The following LRMDA variants were observed in gnomAD, a reference collection of about 807,000 sequenced individuals.
The protein encoded by LRMDA is leucine-rich melanocyte differentiation-associated protein.
In LRMDA, 18 loss-of-function variants were observed where a neutral mutation model predicts 29.8. The ratio of observed to expected loss-of-function variants is 0.60; its 90% CI spans 0.42 to 0.90. The LOEUF (loss-of-function observed/expected upper bound fraction) is 0.90. Ranked by LOEUF, LRMDA falls within the 40% of genes least tolerant of loss-of-function variation. LRMDA has a pLI of 0.00. For synonymous variants in LRMDA, 125 were observed against 109.4 expected (o/e 1.14, Z -0.89); for missense variants, 273 against 273.9 (o/e 1.00, Z 0.02).
chr10:75,940,033 A>G (rs565168885), intron 2 of LRMDA, among the ~76,000 whole-genome samples: 1 of 152,294 alleles, frequency 6.6e-6, no homozygotes, highest in East Asian at 1.9e-4. Flanking sequence ...TGGGACTAAA[A>G]TGGGAGAGGG....
chr10:76,110,284 G>A (rs905884522), intron 5 of LRMDA, among the ~76,000 whole-genome samples: 11 of 152,148 alleles, frequency 7.2e-5, no homozygotes, highest in Non-Finnish European at 1.5e-4. Flanking sequence ...ATCCACTCTT[G>A]TTCTTTACTT....
chr10:76,466,178 G>A (rs1842562666), intron 6 of LRMDA, among the ~76,000 whole-genome samples: 1 of 152,146 alleles, frequency 6.6e-6, no homozygotes, highest in Admixed American at 6.5e-5. Flanking sequence ...GGAATAAAAG[G>A]AAGAGGCTGG....
intron 5 of LRMDA, among the ~76,000 whole-genome samples, chr10:76,162,508 G>A (rs185025619): frequency 2.6e-5 from 4 of 152,198 alleles, no homozygotes; most frequent in East Asian, 3.9e-4. Flanking sequence ...CACAGCCATC[G>A]GCTTCTGGGG....
intron 2 of LRMDA, among the ~76,000 whole-genome samples, chr10:75,641,783 C>T (rs1483951224): frequency 6.6e-6 from 1 of 151,690 alleles, no homozygotes; most frequent in Non-Finnish European, 1.5e-5. Context: ...AATAAATCTA[C>T]CAGAAAGATA....
intron 2 of LRMDA, among the ~76,000 whole-genome samples, chr10:75,850,443 A>G (rs1293232619): frequency 1.3e-5 from 2 of 152,184 alleles, no homozygotes; most frequent in Non-Finnish European, 2.9e-5. Flanking sequence ...TTCCCACTCA[A>G]ACTTAGTGTT....
At chr10:76,297,217 C>G (rs528881956) in intron 5 of LRMDA, among the ~76,000 whole-genome samples, 1 of 152,242 alleles carries the variant, frequency 6.6e-6, no homozygotes, top group Non-Finnish European at 1.5e-5. Context: ...AGTTCCCACT[C>G]ACATTGTAAA....
At position 76,294,079 on chromosome 10, in the gene LRMDA, G is replaced by C. The variant is rs189387190; in HGVS notation, c.517-30322G>C. On this transcript the variant is annotated intron_variant, in intron 5 of 6. Coordinates refer to ENST00000611255, the MANE Select transcript of LRMDA (RefSeq NM_001305581.2). ...GAGGAGTTGACAAGCTGGGTGTTCT[G>C]ATATTGGCTGTGCTGATGTTTGCTC... 6.2e-4 allele frequency among the ~76,000 whole-genome samples: 94 copies of C among 152,268 alleles called. 5 individuals carry two copies. Among genetic ancestry groups the C allele is most frequent in the Admixed American group, 4.9e-3 (75 of 15,294 alleles).
chr10:75,919,602 A>G lies in LRMDA; in HGVS notation c.132-116406A>G, dbSNP rs562232043. 6.6e-5 allele frequency among the ~76,000 whole-genome samples: 10 copies of G among 152,282 alleles called. No individual in the cohort carries two copies. The East Asian group carries it at 1.9e-3, about 29-fold the overall frequency. ...GAGTGATAGTAGGTTTTTGGATCCA[A>G]GGAATCTCAGTTAGGGAGGTCCTTG... On this transcript the variant is annotated intron_variant, in intron 2 of 6. Coordinates refer to ENST00000611255, the MANE Select transcript of LRMDA (RefSeq NM_001305581.2).
intron 2 of LRMDA, among the ~76,000 whole-genome samples, chr10:75,865,309 T>A (rs564896006): frequency 6.6e-6 from 1 of 152,308 alleles, no homozygotes; most frequent in East Asian, 1.9e-4. Context: ...AAGTTAGAAA[T>A]GTTCTAGATC....
At chr10:76,048,000 C>A (rs1848469098) in intron 4 of LRMDA, among the ~76,000 whole-genome samples, 1 of 152,182 alleles carries the variant, frequency 6.6e-6, no homozygotes, top group Non-Finnish European at 1.5e-5. Context: ...TGGTCTTACC[C>A]ATTTTACCAA....
At chr10:76,085,769 G>T (rs1450508703) in intron 5 of LRMDA, among the ~76,000 whole-genome samples, 1 of 152,130 alleles carries the variant, frequency 6.6e-6, no homozygotes, top group Non-Finnish European at 1.5e-5. Context: ...TCAGGTGTTT[G>T]TTTCCATGTA....
intron 2 of LRMDA, among the ~76,000 whole-genome samples, chr10:75,594,142 G>T (rs2132086320): frequency 6.6e-6 from 1 of 152,296 alleles, no homozygotes; most frequent in South Asian, 2.1e-4. Context: ...GTAGCATCAG[G>T]GTGCCCCGGG....
intron 2 of LRMDA, among the ~76,000 whole-genome samples, chr10:75,793,169 A>G (rs887159556): frequency 1.3e-5 from 2 of 152,212 alleles, no homozygotes; most frequent in Non-Finnish European, 2.9e-5. Flanking sequence ...AGAGCCTGAC[A>G]CAATTGAGCT....
chr10:76,082,381 C>CA (rs1485872227), intron 5 of LRMDA, among the ~76,000 whole-genome samples: 2 of 152,110 alleles, frequency 1.3e-5, no homozygotes. Context: ...TAAATGGTTG[C>CA]ATCATCCACA....
intron 2 of LRMDA, among the ~76,000 whole-genome samples, chr10:75,796,967 G>C (rs1224813274): frequency 6.6e-6 from 1 of 152,222 alleles, no homozygotes; most frequent in Non-Finnish European, 1.5e-5. Flanking sequence ...TAGGGATAAG[G>C]GTTATCTACT....
intron 6 of LRMDA, among the ~76,000 whole-genome samples, chr10:76,473,288 A>C (rs894744943): frequency 6.6e-5 from 10 of 151,586 alleles, no homozygotes; most frequent in Non-Finnish European, 1.3e-4. Flanking sequence ...ATTAAAAAAA[A>C]AGTATTTGAC....
intron 6 of LRMDA, among the ~76,000 whole-genome samples, chr10:76,424,917 G>T (rs1013611277): frequency 7.9e-5 from 12 of 152,226 alleles, no homozygotes; most frequent in African/African-American, 2.9e-4. Context: ...TGAGTCAGGA[G>T]TAGAGTTTTA....
intron 2 of LRMDA, among the ~76,000 whole-genome samples, chr10:75,573,451 C>A (rs1307915790): frequency 6.6e-6 from 1 of 152,050 alleles, no homozygotes; most frequent in Non-Finnish European, 1.5e-5. Context: ...GTCCTCCTAG[C>A]AATTTATCTT....
At position 76,465,795 on chromosome 10, in the gene LRMDA, A is replaced by G. The variant is rs143579752; in HGVS notation, c.602-91414A>G. ...GTGGGGTTGATTTCCTCCGAGAACC[A>G]TGAGGGGAGGAGTTGTTTGTGGCCT... On this transcript the variant is annotated intron_variant, in intron 6 of 6. Coordinates refer to ENST00000611255, the MANE Select transcript of LRMDA (RefSeq NM_001305581.2). Among the ~76,000 whole-genome samples, 276 of 152,132 alleles carry G rather than the reference A, an allele frequency of 1.8e-3. 1 individual carries two copies. Among genetic ancestry groups the G allele is most frequent in the African/African-American group, 6.1e-3 (252 of 41,524 alleles).
Sources: allele counts gnomAD v4.1 joint callset (sites outside exome capture counted in the v4.1 genomes callset), GRCh38; gene constraint gnomAD v4.1.1; transcripts MANE v1.5; gene names NCBI Gene and HGNC (gene_info 2026-07-23, HGNC 2026-07-21).